The following MALRD1 variants were observed in gnomAD, a reference collection of about 807,000 sequenced individuals.
MALRD1 encodes the protein MAM and LDL receptor class A domain containing 1, also known as MAM and LDL-receptor class A domain-containing protein 1.
In MALRD1, 247 loss-of-function variants were observed where a neutral mutation model predicts 242.1. That is an observed-to-expected ratio of 1.02 (90% CI 0.92 to 1.13). MALRD1 has a LOEUF of 1.13. MALRD1 is among the 50% of genes most tolerant of loss of function. MALRD1 has a pLI of 0.00. For synonymous variants in MALRD1, 995 were observed against 866.6 expected (o/e 1.15, Z -2.60); for missense variants, 2,989 against 2,533.1 (o/e 1.18, Z -3.86).
intron 32 of MALRD1, among the ~76,000 whole-genome samples, chr10:19,556,938 A>G (rs887654930): frequency 1.3e-5 from 2 of 152,114 alleles, no homozygotes; most frequent in African/African-American, 4.8e-5. Flanking sequence ...CTGTGGCTCT[A>G]TATCCTCGGG....
chr10:19,097,950 G>A (rs1300416671), intron 4 of MALRD1, among the ~76,000 whole-genome samples: 1 of 152,070 alleles, frequency 6.6e-6, no homozygotes, highest in Non-Finnish European at 1.5e-5. Flanking sequence ...GGGTGGACGC[G>A]TTCCTCCTCT....
intron 38 of MALRD1, among the ~76,000 whole-genome samples, chr10:19,698,916 C>T (rs976372896): frequency 1.8e-4 from 28 of 152,052 alleles, no homozygotes; most frequent in Non-Finnish European, 3.1e-4. Flanking sequence ...AGCTGGGAAC[C>T]ATTATTCTTA....
At chr10:19,717,510 G>A (rs1834446808) in intron 38 of MALRD1, among the ~76,000 whole-genome samples, 1 of 152,248 alleles carries the variant, frequency 6.6e-6, no homozygotes, top group South Asian at 2.1e-4. Context: ...CAGTGTAAAT[G>A]TCATCCCAGT....
At chr10:19,181,196 A>G (rs558457615) in intron 14 of MALRD1, among the ~76,000 whole-genome samples, 133 of 152,292 alleles carry the variant, frequency 8.7e-4, no homozygotes, top group African/African-American at 3.0e-3. Flanking sequence ...TGATTTAGCA[A>G]TCTCTCTTTT....
intron 36 of MALRD1, among the ~76,000 whole-genome samples, chr10:19,688,865 T>C (rs1842705471): frequency 6.6e-6 from 1 of 152,196 alleles, no homozygotes; most frequent in Non-Finnish European, 1.5e-5. Flanking sequence ...CACTGGATAT[T>C]CCATGGAGAA....
chr10:19,571,940 G>T (rs914191977), intron 33 of MALRD1, among the ~76,000 whole-genome samples: 4 of 152,112 alleles, frequency 2.6e-5, no homozygotes, highest in Admixed American at 1.3e-4. Flanking sequence ...ATGAAAAATG[G>T]CAAACTCTCA....
chr10:19,433,070 G>A (rs929994932), intron 28 of MALRD1, among the ~76,000 whole-genome samples: 2 of 152,162 alleles, frequency 1.3e-5, no homozygotes, highest in Non-Finnish European at 2.9e-5. Context: ...AGGGCACTGT[G>A]TTAGGTACTC....
At chr10:19,249,633 G>A (rs916687577) in intron 18 of MALRD1, among the ~76,000 whole-genome samples, 5 of 151,960 alleles carry the variant, frequency 3.3e-5, no homozygotes, top group South Asian at 2.1e-4. Flanking sequence ...TAGAGAAGAC[G>A]AACATTAAAT....
intron 31 of MALRD1, among the ~76,000 whole-genome samples, chr10:19,505,974 C>G (rs772801198): frequency 2.0e-5 from 3 of 152,110 alleles, no homozygotes; most frequent in Non-Finnish European, 4.4e-5. Flanking sequence ...ATAGCTGGGT[C>G]CCACCCACAA....
chr10:19,283,316 T>G (rs1840914600), intron 21 of MALRD1, 135 bp downstream of exon 21: 1 of 731,994 alleles, frequency 1.4e-6, no homozygotes, highest in Non-Finnish European at 1.9e-6. Flanking sequence ...GAGGCTGTTT[T>G]CTTTCATACA....
At chr10:19,272,721 C>G (rs2131853332) in intron 19 of MALRD1, among the ~76,000 whole-genome samples, 1 of 152,138 alleles carries the variant, frequency 6.6e-6, no homozygotes, top group East Asian at 1.9e-4. Context: ...TGTAATATTC[C>G]CCTCCTTGTG....
At chr10:19,269,031 T>C (rs72796437) in intron 19 of MALRD1, among the ~76,000 whole-genome samples, 15,037 of 152,232 alleles carry the variant, frequency 0.099, 770 homozygotes, top group Middle Eastern at 0.12. Context: ...CATATGCATT[T>C]CATCTTTTCA....
At chr10:19,218,013 C>CAGTT (rs1359527411) in intron 18 of MALRD1, among the ~76,000 whole-genome samples, 3 of 151,920 alleles carry the variant, frequency 2.0e-5, no homozygotes, top group African/African-American at 7.2e-5. Context: ...ATGAACTTCC[C>CAGTT]AGTTCATCAT....
intron 29 of MALRD1, among the ~76,000 whole-genome samples, chr10:19,487,307 C>T (rs1398503864): frequency 6.6e-6 from 1 of 151,688 alleles, no homozygotes; most frequent in South Asian, 2.1e-4. Flanking sequence ...TTAAAAAAAT[C>T]TATCTTTTCA....
intron 28 of MALRD1, among the ~76,000 whole-genome samples, chr10:19,395,623 C>T (rs1846543463): frequency 6.6e-6 from 1 of 152,220 alleles, no homozygotes; most frequent in Non-Finnish European, 1.5e-5. Context: ...GATTCTGGGG[C>T]CCCAAGATTT....
intron 29 of MALRD1, among the ~76,000 whole-genome samples, chr10:19,472,806 T>C (rs1362532160): frequency 6.6e-6 from 1 of 151,760 alleles, no homozygotes; most frequent in Non-Finnish European, 1.5e-5. Context: ...TAAAGGTTTA[T>C]CAATTTTTTA....
At chr10:19,210,952 C>T (rs982129971) in intron 18 of MALRD1, among the ~76,000 whole-genome samples, 1 of 152,142 alleles carries the variant, frequency 6.6e-6, no homozygotes, top group East Asian at 1.9e-4. Context: ...AGTGTGGCAT[C>T]GTTCTGGTCT....
At chr10:19,249,380 A>T (rs1220767287) in intron 18 of MALRD1, among the ~76,000 whole-genome samples, 1 of 151,964 alleles carries the variant, frequency 6.6e-6, no homozygotes, top group African/African-American at 2.4e-5. Flanking sequence ...TAGTAGTGTG[A>T]AATATTAGCG....
intron 34 of MALRD1, among the ~76,000 whole-genome samples, chr10:19,595,824 A>C (rs1280112043): frequency 2.6e-5 from 4 of 152,198 alleles, no homozygotes; most frequent in Admixed American, 6.6e-5. Context: ...TGGCTCAAGT[A>C]AAGGGCATAT....
Sources: allele counts gnomAD v4.1 joint callset (sites outside exome capture counted in the v4.1 genomes callset), GRCh38; gene constraint gnomAD v4.1.1; transcripts MANE v1.5; gene names NCBI Gene and HGNC (gene_info 2026-07-23, HGNC 2026-07-21).